NRXN1: variants seen among roughly 807,000 people sequenced by gnomAD.
The protein encoded by NRXN1 is neurexin-1.
A neutral mutation model predicts 150.9 loss-of-function variants in NRXN1; 39 were observed. The observed-to-expected ratio is 0.26, with a 90% confidence interval of 0.20 to 0.34. The LOEUF (loss-of-function observed/expected upper bound fraction) is 0.34. Ranked by LOEUF, NRXN1 falls within the 10% of genes least tolerant of loss-of-function variation. NRXN1 has a pLI of 1.00. For synonymous variants in NRXN1, 924 were observed against 757.0 expected, an observed-to-expected ratio of 1.22 and a Z score of -3.62; for missense variants, 1,815 against 1,949.9, an observed-to-expected ratio of 0.93 and a Z score of 1.30.
intron 18 of NRXN1, among the ~76,000 whole-genome samples, chr2:50,122,116 C>A (rs1050346844): frequency 2.6e-5 from 4 of 152,188 alleles, no homozygotes; most frequent in African/African-American, 9.6e-5. Context: ...TGCAGTACAG[C>A]AGATACACTT....
At chr2:50,334,532 T>C (rs762450779) in intron 17 of NRXN1, among the ~76,000 whole-genome samples, 5 of 152,132 alleles carry the variant, frequency 3.3e-5, no homozygotes, top group Non-Finnish European at 5.9e-5. Flanking sequence ...GATTTCTAAA[T>C]ACCTACACTG....
intron 18 of NRXN1, among the ~76,000 whole-genome samples, chr2:50,152,225 A>G (rs1397255585): frequency 1.3e-5 from 2 of 151,808 alleles, no homozygotes; most frequent in African/African-American, 4.8e-5. Flanking sequence ...GCCTCTGGCA[A>G]TCATCATTCT....
intron 12 of NRXN1, among the ~76,000 whole-genome samples, chr2:50,527,643 AG>A (rs1472695196): frequency 1.3e-5 from 2 of 152,138 alleles, no homozygotes; most frequent in African/African-American, 4.8e-5. Flanking sequence ...GTATTTTATT[AG>A]GAAAATAGTC....
intron 8 of NRXN1, among the ~76,000 whole-genome samples, chr2:50,611,602 A>C (rs1332163295): frequency 1.3e-5 from 2 of 152,208 alleles, no homozygotes; most frequent in East Asian, 3.9e-4. Context: ...TACAATGCAC[A>C]GAAGTGAACT....
intron 21 of NRXN1, chr2:49,974,277 T>A: frequency 1.7e-6 from 1 of 578,716 alleles, no homozygotes; most frequent in Non-Finnish European, 3.3e-6. Context: ...TGCAGTTCCG[T>A]CTGCAGTTGA....
At chr2:50,871,818 C>G (rs1378849489) in intron 5 of NRXN1, among the ~76,000 whole-genome samples, 1 of 151,820 alleles carries the variant, frequency 6.6e-6, no homozygotes, top group Non-Finnish European at 1.5e-5. Context: ...TTTCCTCATT[C>G]ATCCATTGGT....
intron 21 of NRXN1, among the ~76,000 whole-genome samples, chr2:49,959,089 A>AT (rs1675474613): frequency 2.0e-5 from 3 of 152,130 alleles, no homozygotes; most frequent in African/African-American, 7.2e-5. Context: ...TCTCAGTAAT[A>AT]TTTTCACTAT....
chr2:50,169,833 C>A (rs758910293), intron 18 of NRXN1, among the ~76,000 whole-genome samples: 5 of 149,700 alleles, frequency 3.3e-5, no homozygotes. Context: ...CAAAGCAAAA[C>A]AAAAAAACAA....
chr2:50,672,486 T>C (rs533618234), intron 5 of NRXN1, among the ~76,000 whole-genome samples: 1 of 152,116 alleles, frequency 6.6e-6, no homozygotes, highest in Non-Finnish European at 1.5e-5. Flanking sequence ...AATTTTAAGT[T>C]GTGGTTAAAT....
At chr2:50,579,791 G>C (rs1365748191) in intron 8 of NRXN1, among the ~76,000 whole-genome samples, 2 of 152,030 alleles carry the variant, frequency 1.3e-5, no homozygotes, top group Non-Finnish European at 2.9e-5. Context: ...GTAATATGAA[G>C]GTGAATCTAG....
chr2:50,382,910 G>C (rs779532812), intron 17 of NRXN1, among the ~76,000 whole-genome samples: 10 of 152,094 alleles, frequency 6.6e-5, no homozygotes, highest in Non-Finnish European at 1.5e-4. Flanking sequence ...AGCCGCCTCA[G>C]GTTCACCATA....
intron 5 of NRXN1, among the ~76,000 whole-genome samples, chr2:50,804,577 T>A (rs1032129401): frequency 6.6e-6 from 1 of 152,198 alleles, no homozygotes; most frequent in African/African-American, 2.4e-5. Flanking sequence ...AAAGTCAGCA[T>A]GACCTCTTTG....
chr2:50,898,450 T>G, intron 5 of NRXN1: 1 of 264,928 alleles, frequency 3.8e-6, no homozygotes, highest in Non-Finnish European at 7.4e-6. Context: ...AAGGACACAC[T>G]TTTCAAAGAG....
intron 17 of NRXN1, among the ~76,000 whole-genome samples, chr2:50,337,898 T>C (rs950442155): frequency 3.9e-5 from 6 of 152,218 alleles, no homozygotes; most frequent in Non-Finnish European, 7.3e-5. Flanking sequence ...AGTCCAGTCA[T>C]TAATTAAAGG....
At chr2:51,000,512 T>C (rs1458498450) in intron 2 of NRXN1, among the ~76,000 whole-genome samples, 1 of 150,576 alleles carries the variant, frequency 6.6e-6, no homozygotes, top group African/African-American at 2.4e-5. Flanking sequence ...ATTTGATTCT[T>C]ATATGAAATT....
At position 50,623,522 on chromosome 2, in the gene NRXN1, G is replaced by A. The variant is rs201423837; in HGVS notation, c.926C>T (p.Thr309Ile). The A allele has an allele frequency of 1.9e-6, 3 of 1,613,284 alleles. No homozygotes were observed. Among genetic ancestry groups the A allele is most frequent in the Non-Finnish European group, 2.5e-6 (3 of 1,179,398 alleles). The change falls in exon 6 of 23, where the codon ACT becomes ATT. Residue 309 changes from threonine (T) to isoleucine (I), a missense_variant. Coordinates refer to ENST00000401669, the MANE Select transcript of NRXN1 (RefSeq NM_001330078.2). ...CCTCTGAAGGGTTTTAAATGACAGA[G>A]TTATTTCATCACTGCTGCTTTGAAT... ...NPIQSSSDEI[T>I]LSFKTLQRNG...
chr2:50,178,441 C>A (rs2060485650), intron 18 of NRXN1, among the ~76,000 whole-genome samples: 3 of 152,020 alleles, frequency 2.0e-5, no homozygotes, highest in Non-Finnish European at 4.4e-5. Flanking sequence ...CCAACTTTTT[C>A]ATGCTACTTT....
At chr2:50,520,684 A>T (rs1179647566) in intron 12 of NRXN1, among the ~76,000 whole-genome samples, 1 of 151,924 alleles carries the variant, frequency 6.6e-6, no homozygotes, top group African/African-American at 2.4e-5. Flanking sequence ...CTTGATTACC[A>T]ATATATTATT....
At chr2:50,710,998 A>G (rs1695064124) in intron 5 of NRXN1, among the ~76,000 whole-genome samples, 1 of 152,216 alleles carries the variant, frequency 6.6e-6, no homozygotes, top group Middle Eastern at 3.4e-3. Flanking sequence ...ATATTTACTG[A>G]CTCTTCTGAA....
Sources: allele counts gnomAD v4.1 joint callset (sites outside exome capture counted in the v4.1 genomes callset), GRCh38; gene constraint gnomAD v4.1.1; transcripts MANE v1.5; gene names NCBI Gene and HGNC (gene_info 2026-07-23, HGNC 2026-07-21).